The following KIFAP3 variants were observed in gnomAD, a reference collection of about 807,000 sequenced individuals.
KIFAP3 encodes kinesin associated protein 3, also known as kinesin-associated protein 3.
KIFAP3 carries 68 observed loss-of-function variants against 106.5 expected under a neutral mutation model. That is an observed-to-expected ratio of 0.64 (90% CI 0.53 to 0.78). The LOEUF (loss-of-function observed/expected upper bound fraction) is 0.78. Ranked by LOEUF, KIFAP3 falls within the 30% of genes least tolerant of loss-of-function variation. KIFAP3 has a pLI of 0.00. For missense variants in KIFAP3, 780 were observed against 941.8 expected, an observed-to-expected ratio of 0.83 and a Z score of 2.25; for synonymous variants, 320 against 311.5, an observed-to-expected ratio of 1.03 and a Z score of -0.29.
At position 170,074,664 on chromosome 1, in the gene KIFAP3, CTG is replaced by C. The variant is rs1325555342; in HGVS notation, c.-199_-198del. 1 of 1,450,514 alleles carries C rather than the reference CTG, an allele frequency of 6.9e-7. No homozygotes were observed. Among genetic ancestry groups the C allele is most frequent in the East Asian group, 2.5e-5 (1 of 39,552 alleles). 89.9% of individuals were successfully genotyped at this position (1,450,514 alleles called of 1,614,324 possible). The stretch of plus-strand genomic sequence containing the variant: ...CCCACAGCTTCTGTGCCCCAAAACA[CTG>C]GAGCGGCCCAGACCCGCCCAGAGTC... On this transcript the variant is annotated 5_prime_UTR_variant, in exon 1 of 20. Transcript: ENST00000361580.
chr1:169,988,426 T>C (rs528791220), intron 11 of KIFAP3, among the ~76,000 whole-genome samples: 27 of 152,014 alleles, frequency 1.8e-4, no homozygotes, highest in Non-Finnish European at 3.4e-4. Flanking sequence ...CTTTCCTACA[T>C]TCAAAGTCAT....
At chr1:170,072,571 A>C (rs1180644129) in intron 1 of KIFAP3, among the ~76,000 whole-genome samples, 1 of 152,206 alleles carries the variant, frequency 6.6e-6, no homozygotes, top group Non-Finnish European at 1.5e-5. Context: ...CAAACACCAA[A>C]ACACATAGAG....
At chr1:169,993,652 T>G (rs868330988) in intron 10 of KIFAP3, among the ~76,000 whole-genome samples, 1 of 74,746 alleles carries the variant, frequency 1.3e-5, no homozygotes, top group African/African-American at 5.4e-5. Flanking sequence ...ACCCAGAAGG[T>G]GAGGCTTGCA....
chr1:170,009,462 A>C (rs1220930971), intron 10 of KIFAP3, among the ~76,000 whole-genome samples: 1 of 152,056 alleles, frequency 6.6e-6, no homozygotes, highest in African/African-American at 2.4e-5. Flanking sequence ...GCCATCTGTC[A>C]CTATGTGATG....
At chr1:170,037,460 T>A (rs1489801060) in intron 5 of KIFAP3, among the ~76,000 whole-genome samples, 1 of 152,128 alleles carries the variant, frequency 6.6e-6, no homozygotes, top group African/African-American at 2.4e-5. Flanking sequence ...GGGCGCCTGG[T>A]GGCTCACACC....
In KIFAP3 at chr1:169,932,632, C is replaced by T. The variant is rs10919269; in HGVS notation, c.2274-10851G>A. Among the ~76,000 whole-genome samples the T allele has an allele frequency of 7.6e-3, 1,155 of 151,466 alleles. 22 individuals carry two copies. The South Asian group carries it at 0.08, about 10-fold the overall frequency. ...CCATCTAACATGCATGCTACCCCCA[C>T]GGACATAATACTAGTCTCTCTTATA... On this transcript the variant is annotated intron_variant, in intron 19 of 19. Coordinates refer to ENST00000361580, the MANE Select transcript of KIFAP3 (RefSeq NM_014970.4).
intron 19 of KIFAP3, among the ~76,000 whole-genome samples, chr1:169,933,756 A>G (rs982075062): frequency 2.0e-5 from 3 of 152,156 alleles, no homozygotes; most frequent in African/African-American, 7.2e-5. Flanking sequence ...TTTAAGGACT[A>G]GCAATTAAGT....
intron 19 of KIFAP3, among the ~76,000 whole-genome samples, chr1:169,931,625 G>A (rs1222668328): frequency 6.6e-6 from 1 of 152,148 alleles, no homozygotes; most frequent in Non-Finnish European, 1.5e-5. Context: ...TTGCTGAGCG[G>A]CTTAAATAAC....
intron 19 of KIFAP3, among the ~76,000 whole-genome samples, chr1:169,953,269 A>G (rs1553274882): frequency 6.6e-6 from 1 of 151,818 alleles, no homozygotes; most frequent in Non-Finnish European, 1.5e-5. Flanking sequence ...TTTTTCTCTT[A>G]ATTATTTTAA....
Position 170,055,327 on chromosome 1 carries a change from C to G in KIFAP3, c.142G>C (p.Glu48Gln). Residue 48 changes from glutamate (E) to glutamine (Q), a missense_variant, in exon 2 of 20, where the codon GAA becomes CAA. Glu to Gln is a conservative substitution (Grantham distance 29). Transcript: ENST00000361580. ...TACATTTTTTGACATTCTTTTCGTT[C>G]TCCCAACATGGGGTCCCCCATTTCT... ...LGEMGDPMLG[E>Q]RKECQKIIRL... 1.9e-6 allele frequency: 3 copies of G among 1,601,022 alleles called. No individual in the cohort carries two copies. The highest frequency in any genetic ancestry group is 4.5e-5 in the East Asian group (2 of 44,670).
In KIFAP3 at chr1:170,019,453, T is replaced by C. The variant is rs151161866; in HGVS notation, c.1021-2829A>G. On this transcript the variant is annotated intron_variant, in intron 9 of 19. Transcript: ENST00000361580. ...AATTAGCTAATAAAACTTAGCAATA[T>C]ATATAAAAGAGCAATATATCATGAC... 3.2e-4 allele frequency among the ~76,000 whole-genome samples: 49 copies of C among 152,248 alleles called. 1 individual carries two copies. The highest frequency in any genetic ancestry group is 6.0e-4 in the Non-Finnish European group (41 of 67,988).
chr1:170,073,706 T>TC (rs1671802296), intron 1 of KIFAP3, among the ~76,000 whole-genome samples: 1 of 151,804 alleles, frequency 6.6e-6, no homozygotes, highest in Non-Finnish European at 1.5e-5. Flanking sequence ...GTGGGAGGTA[T>TC]CTTTTTTTTT....
chr1:169,971,291 TTATAC>T lies in KIFAP3; in HGVS notation c.1983+1217_1983+1221del, dbSNP rs540570448. ...CAGAACTATAAGAAGTTTTTTGTTCTTATACTATATACTTTATATGCAACAATGGC... is the reference window on the plus strand; with the variant it reads ...CAGAACTATAAGAAGTTTTTTGTTCTTATATACTTTATATGCAACAATGGC... On this transcript the variant is annotated intron_variant, in intron 17 of 19. Transcript: ENST00000361580. Among the ~76,000 whole-genome samples the T allele has an allele frequency of 3.0e-4, 45 of 152,144 alleles. 2 individuals carry two copies. The South Asian group carries it at 8.9e-3, about 30-fold the overall frequency.
chr1:170,043,426 G>A (rs566785388), intron 3 of KIFAP3, among the ~76,000 whole-genome samples: 72 of 152,184 alleles, frequency 4.7e-4, no homozygotes, highest in Non-Finnish European at 7.9e-4. Flanking sequence ...GGGACTGTGC[G>A]ACTCCACCTA....
At chr1:169,937,957 T>G (rs1187159525) in intron 19 of KIFAP3, among the ~76,000 whole-genome samples, 1 of 151,900 alleles carries the variant, frequency 6.6e-6, no homozygotes, top group Non-Finnish European at 1.5e-5. Context: ...ATAATTATTT[T>G]GCAATTCTAG....
At chr1:169,950,725 CT>C (rs1427416775) in intron 19 of KIFAP3, among the ~76,000 whole-genome samples, 4 of 151,920 alleles carry the variant, frequency 2.6e-5, no homozygotes, top group Non-Finnish European at 5.9e-5. Flanking sequence ...AAAAAGATTC[CT>C]ACTTTGCTTA....
chr1:169,965,443 C>T (rs1001716096), intron 17 of KIFAP3, among the ~76,000 whole-genome samples: 9 of 151,894 alleles, frequency 5.9e-5, no homozygotes, highest in Non-Finnish European at 2.9e-5. Flanking sequence ...GTCTGCTATT[C>T]CAGTAAGAGT....
At position 169,953,996 on chromosome 1, in the gene KIFAP3, T is replaced by C. The variant is rs1664874646; in HGVS notation, c.2273+15A>G. The C allele has an allele frequency of 1.9e-6, 3 of 1,580,536 alleles. No homozygotes were observed. The highest frequency in any genetic ancestry group is 2.2e-5 in the East Asian group (1 of 44,676). On this transcript the variant is annotated intron_variant, in intron 19 of 19. Transcript: ENST00000361580. ...CAGATACTACACATTAGATTTTTCT[T>C]GGAAAACTGTTTACCTGCCAGGAAA... is the stretch of plus-strand genomic sequence containing the variant.
intron 9 of KIFAP3, among the ~76,000 whole-genome samples, chr1:170,023,388 T>C (rs1668952605): frequency 6.6e-6 from 1 of 152,078 alleles, no homozygotes; most frequent in Non-Finnish European, 1.5e-5. Flanking sequence ...GTAGACATAC[T>C]ATACATTCAG....
Sources: allele counts gnomAD v4.1 joint callset (sites outside exome capture counted in the v4.1 genomes callset), GRCh38; gene constraint gnomAD v4.1.1; transcripts MANE v1.5; gene names NCBI Gene and HGNC (gene_info 2026-07-23, HGNC 2026-07-21).